TGM7: variants seen among roughly 807,000 people sequenced by gnomAD.
TGM7 encodes protein-glutamine gamma-glutamyltransferase Z.
Under a neutral mutation model 79.5 loss-of-function variants are expected in TGM7, and 74 were observed. That is an observed-to-expected ratio of 0.93 (90% CI 0.77 to 1.13). The LOEUF is 1.13. Among genes scored for constraint, TGM7 ranks in the 50% most tolerant of loss-of-function variants. The probability of loss-of-function intolerance (pLI) is 0.00; values close to 1 mark genes in which losing one functional copy is unlikely to be tolerated. For missense variants in TGM7, 912 were observed against 905.9 expected (o/e 1.01, Z -0.09); for synonymous variants, 354 against 362.5 (o/e 0.98, Z 0.27).
chr15:43,292,179 G>A (rs979034778), intron 3 of TGM7, 82 bp from the exon 4 acceptor site: 23 of 954,276 alleles, frequency 2.4e-5, no homozygotes, highest in Middle Eastern at 2.1e-4. Flanking sequence ...TAACGACAAC[G>A]TGTTTCTGGA....
chr15:43,290,720 T>G (rs2042959749), intron 4 of TGM7, among the ~76,000 whole-genome samples: 1 of 152,176 alleles, frequency 6.6e-6, no homozygotes, highest in South Asian at 2.1e-4. Flanking sequence ...TTCCATTTGT[T>G]TGTATCCTCT....
chr15:43,280,601 C>T (rs974307779), intron 9 of TGM7, among the ~76,000 whole-genome samples: 2 of 151,914 alleles, frequency 1.3e-5, no homozygotes, highest in Admixed American at 6.6e-5. Context: ...CCAGCCTGGG[C>T]AACAAGAGTG....
At position 43,292,652 on chromosome 15, in the gene TGM7, C is replaced by T. The variant is rs559358610; in HGVS notation, c.439+57G>A. On this transcript the variant is annotated intron_variant, in intron 3 of 12. Coordinates refer to ENST00000452443, the MANE Select transcript of TGM7 (RefSeq NM_052955.3). ...ATTTTCTGGGCTTTTTCCAAAGAAC[C>T]TCACAGGGCCTTCCCAATGGATCAG... 2.5e-6 allele frequency: 4 copies of T among 1,588,726 alleles called. No homozygotes were observed. The African/African-American group carries it at 5.4e-5, about 21-fold the overall frequency.
chr15:43,289,749 C>T (rs948390528), intron 4 of TGM7, among the ~76,000 whole-genome samples: 41 of 152,088 alleles, frequency 2.7e-4, no homozygotes, highest in Non-Finnish European at 5.3e-4. Flanking sequence ...TTTTAATGAT[C>T]GCCATTCTAA....
intron 1 of TGM7, among the ~76,000 whole-genome samples, chr15:43,295,951 A>G (rs1305132807): frequency 6.6e-6 from 1 of 152,262 alleles, no homozygotes; most frequent in East Asian, 1.9e-4. Context: ...TAATCATTCA[A>G]CAGCAGTTTT....
At chr15:43,298,361 A>G (rs2043010466) in intron 1 of TGM7, among the ~76,000 whole-genome samples, 1 of 152,236 alleles carries the variant, frequency 6.6e-6, no homozygotes, top group Admixed American at 6.5e-5. Context: ...GCCCGGGCCA[A>G]GACGCTGCTG....
intron 1 of TGM7, 76 bp from the exon 2 acceptor site, chr15:43,293,707 A>G (rs1679790143): frequency 1.0e-6 from 1 of 983,832 alleles, no homozygotes. Context: ...CTTCTCAGTC[A>G]TTTCTGGGAG....
At chr15:43,294,760 A>G (rs575591905) in intron 1 of TGM7, among the ~76,000 whole-genome samples, 1 of 152,226 alleles carries the variant, frequency 6.6e-6, no homozygotes, top group South Asian at 2.1e-4. Context: ...GTCTGAAGAC[A>G]TTTTTTACTG....
chr15:43,287,765 A>T, intron 4 of TGM7, 96 bp from the exon 5 acceptor site: 32 of 1,338,068 alleles, frequency 2.4e-5, no homozygotes, highest in Non-Finnish European at 3.0e-5. Context: ...TGGCATGTAT[A>T]TGGGGATGTG....
chr15:43,284,954 T>G lies in TGM7; in HGVS notation c.866-2A>C. On this transcript the variant is annotated splice_acceptor_variant, in intron 6 of 12. Coordinates refer to ENST00000452443, the MANE Select transcript of TGM7 (RefSeq NM_052955.3). LOFTEE classifies it high-confidence loss of function. Reference sequence around the variant, plus strand: ...TTGGAACACCTAAGCATCTCATTACTAAAGAGAAAAATATAGAGAATCGCT... The same window carrying G: ...TTGGAACACCTAAGCATCTCATTACGAAAGAGAAAAATATAGAGAATCGCT... The G allele has an allele frequency of 6.2e-7, 1 of 1,614,012 alleles. No homozygotes were observed. The highest frequency in any genetic ancestry group is 8.5e-7 in the Non-Finnish European group (1 of 1,179,908).
intron 7 of TGM7, among the ~76,000 whole-genome samples, chr15:43,284,258 A>G (rs910865406): frequency 6.6e-6 from 1 of 152,178 alleles, no homozygotes; most frequent in East Asian, 1.9e-4. Context: ...AAAGAGAAAC[A>G]GGAAACCAGA....
intron 4 of TGM7, among the ~76,000 whole-genome samples, chr15:43,289,765 G>A (rs1241014840): frequency 6.6e-6 from 1 of 152,294 alleles, no homozygotes; most frequent in Non-Finnish European, 1.5e-5. Flanking sequence ...TCTAACTGGT[G>A]TGAGGTGGTA....
chr15:43,282,219 G>A lies in TGM7; in HGVS notation c.1109-133C>T, dbSNP rs749966368. The A allele has an allele frequency of 5.6e-5, 74 of 1,333,018 alleles. 1 individual carries two copies. The highest frequency in any genetic ancestry group is 7.4e-5 in the Non-Finnish European group (73 of 984,392). The allele number at this position is 1,333,018 out of a possible 1,614,324, so 82.6% of individuals were successfully genotyped here. A position where few individuals can be genotyped will look rare whatever the true frequency, so the allele number is the denominator to read the frequency against. Reference sequence around the variant, plus strand: ...ATCTTCCAGTTTACCAAGCACTTTTGTTCCCATTAATTCATCTGACCCTCA... The same window carrying A: ...ATCTTCCAGTTTACCAAGCACTTTTATTCCCATTAATTCATCTGACCCTCA... On this transcript the variant is annotated intron_variant, in intron 8 of 12. Coordinates refer to ENST00000452443, the MANE Select transcript of TGM7 (RefSeq NM_052955.3).
chr15:43,282,907 G>C (rs966063897), intron 7 of TGM7, among the ~76,000 whole-genome samples: 5 of 152,086 alleles, frequency 3.3e-5, no homozygotes, highest in African/African-American at 1.2e-4. Context: ...AAAAGTAGCT[G>C]GGCATGGTGG....
rs910516311 is a variant in TGM7, at chr15:43,282,556, A to G, written c.1069T>C (p.Trp357Arg). ...RKDLPPGYNG[W>R]QVLDPTPQQT... ...TGGGGAGTGGGGTCCAGAACCTGCCACCCGTTGTATCCTGGTGGGAGATCT... is the reference window on the plus strand; with the variant it reads ...TGGGGAGTGGGGTCCAGAACCTGCCGCCCGTTGTATCCTGGTGGGAGATCT... The change falls in exon 8 of 13, where the codon TGG (tryptophan) becomes CGG (arginine). Residue 357 changes from tryptophan to arginine, a missense_variant. Physicochemically the swap from Trp to Arg is moderately radical, Grantham distance 101. Transcript: ENST00000452443. The G allele has an allele frequency of 1.2e-6, 2 of 1,601,258 alleles. No homozygotes were observed. Among genetic ancestry groups the G allele is most frequent in the African/African-American group, 2.7e-5 (2 of 74,840 alleles).
intron 4 of TGM7, among the ~76,000 whole-genome samples, chr15:43,290,252 G>A (rs1455423874): frequency 6.6e-6 from 1 of 152,144 alleles, no homozygotes; most frequent in Non-Finnish European, 1.5e-5. Context: ...TAAGGTGTAA[G>A]GAAGGGGTCC....
Position 43,292,135 on chromosome 15 carries a change from A to G in TGM7, c.440-38T>C, listed in dbSNP as rs1596463934. 2.9e-6 allele frequency: 4 copies of G among 1,396,132 alleles called. No individual in the cohort carries two copies. In the Admixed American group the frequency reaches 7.0e-5, roughly 25 times the overall value. The allele number at this position is 1,396,132 out of a possible 1,614,324, so 86.5% of individuals were successfully genotyped here. A position where few individuals can be genotyped will look rare whatever the true frequency, so the allele number is the denominator to read the frequency against. ...GAGTAGTGGAGGGGGCAAAACCCCA[A>G]ACCAAAAAAACAGAGTATTAAATTA... On this transcript the variant is annotated intron_variant, in intron 3 of 12. Coordinates refer to ENST00000452443, the MANE Select transcript of TGM7 (RefSeq NM_052955.3).
intron 6 of TGM7, among the ~76,000 whole-genome samples, chr15:43,285,705 TCA>T (rs982813993): frequency 2.6e-5 from 4 of 152,086 alleles, no homozygotes; most frequent in South Asian, 2.1e-4. Flanking sequence ...TAAGAGGAAA[TCA>T]CAGTCAGCAA....
At chr15:43,279,362 A>G in intron 10 of TGM7, 85 bp from the exon 11 acceptor site, 4 of 1,452,458 alleles carry the variant, frequency 2.8e-6, no homozygotes, top group Non-Finnish European at 3.8e-6. Context: ...GAAAAATTAG[A>G]ATTTTCACGT....
Sources: gnomAD v4.1 joint callset for allele counts (sites outside exome capture counted in the v4.1 genomes callset) on GRCh38, gnomAD v4.1.1 for gene constraint, MANE v1.5 for transcripts, NCBI Gene and HGNC (gene_info 2026-07-23, HGNC 2026-07-21) for gene names.